The following BRI3 variants were observed in gnomAD, a reference collection of about 807,000 sequenced individuals.
The protein encoded by BRI3 is membrane protein BRI3.
BRI3 carries 6 observed loss-of-function variants against 12.8 expected under a neutral mutation model. That is an observed-to-expected ratio of 0.47 (90% CI 0.26 to 0.93). The LOEUF (loss-of-function observed/expected upper bound fraction) is 0.93, where lower values mean the gene tolerates loss of function less well. BRI3 is among the 40% of genes least tolerant of loss of function. The pLI is 0.15. For missense variants in BRI3, 134 were observed against 171.1 expected (o/e 0.78, Z 1.21); for synonymous variants, 91 against 76.1 (o/e 1.20, Z -1.02).
downstream of BRI3, chr7:98,292,604 A>G (rs78381012): frequency 9.0e-6 from 14 of 1,548,068 alleles, no homozygotes; most frequent in East Asian, 3.4e-4. Context: ...CGAGGGCATC[A>G]TGGCTGCTAG....
At chr7:98,284,553 G>GA (rs892637133) in intron 2 of BRI3, among the ~76,000 whole-genome samples, 24 of 152,348 alleles carry the variant, frequency 1.6e-4, no homozygotes, top group African/African-American at 5.3e-4. Flanking sequence ...CTTGGCCCGG[G>GA]AGACAGGATA....
downstream of BRI3, chr7:98,294,240 A>G: frequency 1.1e-6 from 1 of 910,378 alleles, no homozygotes; most frequent in Non-Finnish European, 1.7e-6. Flanking sequence ...TGATCCTTCC[A>G]CCTTGGCCTC....
chr7:98,303,233 G>A (rs535610114), upstream of BRI3, among the ~76,000 whole-genome samples: 2 of 152,150 alleles, frequency 1.3e-5, no homozygotes, highest in African/African-American at 4.8e-5. Flanking sequence ...AAGCACATCC[G>A]TTTCATATCA....
At chr7:98,315,316 CAG>C (rs769217743), downstream of BRI3, 5 of 629,624 alleles carry the variant, frequency 7.9e-6, no homozygotes, top group East Asian at 1.1e-4. Flanking sequence ...TTTATAGAGA[CAG>C]AGTTTTGCCA....
At chr7:98,301,817 C>T (rs1477165023), upstream of BRI3, among the ~76,000 whole-genome samples, 2 of 152,070 alleles carry the variant, frequency 1.3e-5, no homozygotes, top group Non-Finnish European at 2.9e-5. Flanking sequence ...GCCTGAAGCT[C>T]GCGGGTGTGA....
chr7:98,318,249 T>C, the BRI3 span, among the ~76,000 whole-genome samples: 1 of 152,200 alleles, frequency 6.6e-6, no homozygotes, highest in Non-Finnish European at 1.5e-5. Flanking sequence ...ATTCCTTCTT[T>C]CCTCAAAGGC....
At chr7:98,285,628 C>T (rs1317314609) in intron 2 of BRI3, among the ~76,000 whole-genome samples, 4 of 152,202 alleles carry the variant, frequency 2.6e-5, no homozygotes, top group African/African-American at 9.6e-5. Context: ...GCTCAGCCCC[C>T]AGCTGTGGGC....
the BRI3 span, chr7:98,319,975 G>T: frequency 1.9e-6 from 2 of 1,074,042 alleles, no homozygotes; most frequent in Non-Finnish European, 2.8e-6. Context: ...TGCTGCTGAT[G>T]AGTCAACAGT....
chr7:98,313,792 C>CTT (rs543402978), downstream of BRI3, among the ~76,000 whole-genome samples: 388 of 132,970 alleles, frequency 2.9e-3, 3 homozygotes, highest in African/African-American at 9.4e-3. Context: ...CTAATTAAAA[C>CTT]TTTTTTTTTT....
exon 2 of BRI3, chr7:98,307,781 G>C (rs770317275): frequency 1.2e-6 from 2 of 1,614,244 alleles, no homozygotes; most frequent in South Asian, 2.2e-5. Context: ...AGCTGAGTAA[G>C]GTCTTGTTGG....
Position 98,291,384 on chromosome 7 carries a change from T to G in BRI3, c.*141T>G, listed in dbSNP as rs183639368. 27 of 1,477,046 alleles carry G rather than the reference T, an allele frequency of 1.8e-5. No individual in the cohort carries two copies. In the African/African-American group the frequency reaches 3.5e-4, roughly 19 times the overall value. The allele number at this position is 1,477,046 out of a possible 1,614,324, so 91.5% of individuals were successfully genotyped here. On this transcript the variant is annotated 3_prime_UTR_variant, in exon 3 of 3. Coordinates refer to ENST00000297290, the MANE Select transcript of BRI3 (RefSeq NM_015379.5). The stretch of plus-strand genomic sequence containing the variant: ...CGATGTGGCACACGCCAGCTGCGGT[T>G]TCCCGGAGCGTGGAGAGGCAGTGCT...
At chr7:98,300,013 C>T (rs1800356200) in intron 1 of BRI3, among the ~76,000 whole-genome samples, 1 of 152,192 alleles carries the variant, frequency 6.6e-6, no homozygotes, top group South Asian at 2.1e-4. Flanking sequence ...TGCACTCCAG[C>T]CTGGGCGACA....
At chr7:98,289,116 C>G (rs184213729) in intron 2 of BRI3, among the ~76,000 whole-genome samples, 3 of 152,234 alleles carry the variant, frequency 2.0e-5, no homozygotes, top group Non-Finnish European at 4.4e-5. Flanking sequence ...CACCACTACG[C>G]CCAGCTAATT....
At chr7:98,284,543 C>T (rs1007931419) in intron 2 of BRI3, among the ~76,000 whole-genome samples, 1 of 152,224 alleles carries the variant, frequency 6.6e-6, no homozygotes, top group Admixed American at 6.5e-5. Flanking sequence ...TGCCTGGCGT[C>T]TTGGCCCGGG....
chr7:98,285,656 G>A (rs1434269343), intron 2 of BRI3, among the ~76,000 whole-genome samples: 1 of 152,216 alleles, frequency 6.6e-6, no homozygotes, highest in Non-Finnish European at 1.5e-5. Context: ...CACTGCTGGG[G>A]TGGGTGTGGT....
the BRI3 span, among the ~76,000 whole-genome samples, chr7:98,319,600 G>A: frequency 6.7e-6 from 1 of 148,164 alleles, no homozygotes; most frequent in African/African-American, 2.5e-5. Flanking sequence ...AGGCTGGAGT[G>A]CAGTGGCGCA....
At chr7:98,290,662 C>G (rs117066569) in intron 2 of BRI3, among the ~76,000 whole-genome samples, 14,497 of 151,886 alleles carry the variant, frequency 0.095, 964 homozygotes, top group Non-Finnish European at 0.15. Context: ...CCACGCCTGG[C>G]AGATTTTTGT....
the BRI3 span, among the ~76,000 whole-genome samples, chr7:98,318,724 C>T: frequency 6.6e-6 from 1 of 151,522 alleles, no homozygotes; most frequent in Non-Finnish European, 1.5e-5. Flanking sequence ...GCAGGTGCAC[C>T]ACGAGGTCAG....
chr7:98,292,844 A>T (rs1800026929), downstream of BRI3: 1 of 1,443,854 alleles, frequency 6.9e-7, no homozygotes, highest in African/African-American at 1.4e-5. Flanking sequence ...TCCGTTGGCG[A>T]CTCCTAACTA....
Sources: allele counts gnomAD v4.1 joint callset (sites outside exome capture counted in the v4.1 genomes callset), GRCh38; gene constraint gnomAD v4.1.1; transcripts MANE v1.5; gene names NCBI Gene and HGNC (gene_info 2026-07-23, HGNC 2026-07-21).